Variants in VMP1 observed in about 807,000 individuals in gnomAD.
The protein encoded by VMP1 is vacuole membrane protein 1.
A neutral mutation model predicts 56.0 loss-of-function variants in VMP1; 11 were observed. That is an observed-to-expected ratio of 0.20 (90% confidence interval 0.12 to 0.32). The LOEUF is 0.32. VMP1 is among the 10% of genes least tolerant of loss of function. VMP1 has a pLI of 1.00. For synonymous variants in VMP1, 149 were observed against 165.0 expected (o/e 0.90, Z 0.74); for missense variants, 296 against 490.3 (o/e 0.60, Z 3.74).
At chr17:59,737,659 A>G in intron 4 of VMP1, 116 bp downstream of exon 4, 1 of 770,978 alleles carries the variant, frequency 1.3e-6, no homozygotes, top group Non-Finnish European at 2.0e-6. Context: ...ATTATCTCAT[A>G]ACTAGTATCT....
chr17:59,790,106 G>A (rs774859572), intron 7 of VMP1, among the ~76,000 whole-genome samples: 26 of 151,954 alleles, frequency 1.7e-4, no homozygotes, highest in Non-Finnish European at 2.5e-4. Context: ...CTCCCAAAGT[G>A]CAGGGATTAC....
chr17:59,775,514 G>T (rs544494598), intron 7 of VMP1, among the ~76,000 whole-genome samples: 1 of 151,924 alleles, frequency 6.6e-6, no homozygotes, highest in Admixed American at 6.6e-5. Context: ...TAGAGACAGG[G>T]TCCCACTATG....
intron 1 of VMP1, among the ~76,000 whole-genome samples, chr17:59,713,028 T>G: frequency 6.6e-6 from 1 of 151,454 alleles, no homozygotes; most frequent in Admixed American, 6.6e-5. Context: ...GTTAGATGAG[T>G]GGTAAGAAAA....
intron 7 of VMP1, among the ~76,000 whole-genome samples, chr17:59,791,975 A>T (rs1238308795): frequency 6.6e-6 from 1 of 152,076 alleles, no homozygotes; most frequent in Admixed American, 6.6e-5. Context: ...TAAATTTGTT[A>T]AGATTGGTTC....
chr17:59,749,273 T>G (rs1055714539), intron 5 of VMP1, among the ~76,000 whole-genome samples: 1 of 151,870 alleles, frequency 6.6e-6, no homozygotes, highest in African/African-American at 2.4e-5. Context: ...TTTTTAAATA[T>G]ATGTTTAAAG....
At chr17:59,829,835 G>C (rs1321667720) in intron 10 of VMP1, among the ~76,000 whole-genome samples, 1 of 152,054 alleles carries the variant, frequency 6.6e-6, no homozygotes, top group African/African-American at 2.4e-5. Flanking sequence ...TCCTACTATT[G>C]CCTTAAATGT....
At chr17:59,759,559 T>C (rs2035966298) in intron 5 of VMP1, among the ~76,000 whole-genome samples, 1 of 152,228 alleles carries the variant, frequency 6.6e-6, no homozygotes, top group African/African-American at 2.4e-5. Context: ...TAATATTCTT[T>C]GTCATTAAAT....
chr17:59,751,933 G>C (rs1348611827), intron 5 of VMP1, among the ~76,000 whole-genome samples: 1 of 151,880 alleles, frequency 6.6e-6, no homozygotes, highest in Non-Finnish European at 1.5e-5. Context: ...TCCCACCTCA[G>C]CCTCCCAGGT....
At chr17:59,734,902 CT>C (rs35072996) in intron 2 of VMP1, among the ~76,000 whole-genome samples, 25 of 72,292 alleles carry the variant, frequency 3.5e-4, no homozygotes, top group Middle Eastern at 0.016. Context: ...GACTGGTTGC[CT>C]TTTTTTTTTT....
intron 7 of VMP1, among the ~76,000 whole-genome samples, chr17:59,775,176 C>T (rs1568124415): frequency 6.6e-6 from 1 of 152,026 alleles, no homozygotes; most frequent in Non-Finnish European, 1.5e-5. Context: ...GATCTCCTGA[C>T]CTCGCAATCC....
Position 59,817,778 on chromosome 17 carries a change from G to C in VMP1, c.974+5G>C. On this transcript the variant is annotated splice_donor_5th_base_variant and intron_variant, in intron 10 of 11. Coordinates refer to ENST00000262291, the MANE Select transcript of VMP1 (RefSeq NM_030938.5). ...GCAAATGGTGGCTTTCATTGGGTAA[G>C]TAATTCTTCAAGGACTAATATTAAT... 6.2e-7 allele frequency: 1 copy of C among 1,602,960 alleles called. No individual in the cohort carries two copies. The highest frequency in any genetic ancestry group is 8.5e-7 in the Non-Finnish European group (1 of 1,173,650).
At position 59,811,768 on chromosome 17, in the gene VMP1, A is replaced by G; in HGVS notation, c.894A>G (p.Ile298Met). 6.2e-7 allele frequency: 1 copy of G among 1,612,222 alleles called. No individual in the cohort carries two copies. The highest frequency in any genetic ancestry group is 8.5e-7 in the Non-Finnish European group (1 of 1,178,382). Residue 298 changes from isoleucine (I) to methionine (M), a missense_variant, in exon 9 of 12, where the codon ATA (isoleucine) becomes ATG (methionine). Coordinates refer to ENST00000262291, the MANE Select transcript of VMP1 (RefSeq NM_030938.5). ...GTGCAACCCTAATTGGAAAAGCAAT[A>G]ATAAAAATGCATATCCAGGTAATTA... ...FFGATLIGKAIIKMHIQKIFV... is the reference protein window; with the variant it reads ...FFGATLIGKAMIKMHIQKIFV...
At chr17:59,786,094 A>G (rs2036998008) in intron 7 of VMP1, among the ~76,000 whole-genome samples, 1 of 152,230 alleles carries the variant, frequency 6.6e-6, no homozygotes, top group Admixed American at 6.5e-5. Flanking sequence ...TAGTGAAAAT[A>G]TAAAACCAAA....
At chr17:59,820,793 A>G (rs368432578) in intron 10 of VMP1, among the ~76,000 whole-genome samples, 55 of 152,218 alleles carry the variant, frequency 3.6e-4, no homozygotes. Flanking sequence ...AATCTGCTGA[A>G]TAAGTGAACA....
rs551867955 is a variant in VMP1, at chr17:59,740,373, A to T, written c.414+1426A>T. Among the ~76,000 whole-genome samples the T allele has an allele frequency of 6.6e-5, 10 of 152,270 alleles. No individual in the cohort carries two copies. The East Asian group carries it at 1.9e-3, about 29-fold the overall frequency. ...GAAAGCAGTTTGATCTTCATTGGGG[A>T]AAAACAGGTGAAAGATTGTCAAGCA... On this transcript the variant is annotated intron_variant, in intron 5 of 11. Transcript: ENST00000262291.
chr17:59,755,764 G>A (rs1435124830), intron 5 of VMP1, among the ~76,000 whole-genome samples: 1 of 146,678 alleles, frequency 6.8e-6, no homozygotes, highest in Non-Finnish European at 1.5e-5. Context: ...TTTGAGACAG[G>A]GTCTTGCTCT....
chr17:59,792,051 C>A (rs369440092), intron 7 of VMP1, among the ~76,000 whole-genome samples: 2 of 152,164 alleles, frequency 1.3e-5, no homozygotes, highest in East Asian at 3.9e-4. Context: ...GTAGGAGGAT[C>A]ACTTGAGCCA....
chr17:59,786,274 T>G (rs1406163966), intron 7 of VMP1, among the ~76,000 whole-genome samples: 1 of 152,192 alleles, frequency 6.6e-6, no homozygotes, highest in Non-Finnish European at 1.5e-5. Context: ...TCATTTGAGT[T>G]TAAAGACTAT....
intron 6 of VMP1, among the ~76,000 whole-genome samples, chr17:59,769,869 TAGAG>T (rs1175892284): frequency 6.6e-6 from 1 of 152,174 alleles, no homozygotes; most frequent in African/African-American, 2.4e-5. Context: ...TTGAATTTTA[TAGAG>T]AATCATAAAA....
Sources: allele counts gnomAD v4.1 joint callset (sites outside exome capture counted in the v4.1 genomes callset), GRCh38; gene constraint gnomAD v4.1.1; transcripts MANE v1.5; gene names NCBI Gene and HGNC (gene_info 2026-07-23, HGNC 2026-07-21).